GSG1L: variants seen among roughly 807,000 people sequenced by gnomAD.
The protein encoded by GSG1L is germ cell-specific gene 1-like protein.
GSG1L carries 24 observed loss-of-function variants against 42.1 expected under a neutral mutation model. That is an observed-to-expected ratio of 0.57 (90% CI 0.41 to 0.80). The LOEUF (loss-of-function observed/expected upper bound fraction) is 0.80. Ranked by LOEUF, GSG1L falls within the 30% of genes least tolerant of loss-of-function variation. The pLI is 0.00. For missense variants in GSG1L, 445 were observed against 472.2 expected, an observed-to-expected ratio of 0.94 and a Z score of 0.53; for synonymous variants, 215 against 203.5, an observed-to-expected ratio of 1.06 and a Z score of -0.48.
chr16:27,992,827 G>C (rs1292730579), intron 1 of GSG1L, among the ~76,000 whole-genome samples: 3 of 152,112 alleles, frequency 2.0e-5, no homozygotes, highest in Non-Finnish European at 4.4e-5. Context: ...GGAGGGCCTT[G>C]GGTGACTTGA....
chr16:27,918,225 T>C (rs1216252509), intron 2 of GSG1L, among the ~76,000 whole-genome samples: 1 of 152,244 alleles, frequency 6.6e-6, no homozygotes. Context: ...GGTCTCCTGC[T>C]TCAACCTCAG....
chr16:28,056,225 G>A (rs2086277929), intron 1 of GSG1L, among the ~76,000 whole-genome samples: 1 of 151,992 alleles, frequency 6.6e-6, no homozygotes, highest in African/African-American at 2.4e-5. Flanking sequence ...CAACTCAAAT[G>A]TCCAACAATG....
chr16:27,882,507 C>G (rs1356416094), intron 3 of GSG1L, among the ~76,000 whole-genome samples: 1 of 152,156 alleles, frequency 6.6e-6, no homozygotes, highest in East Asian at 1.9e-4. Flanking sequence ...CTCAACATTC[C>G]TCCTCTCCCT....
rs201582359 is a variant in GSG1L at position 27,828,823 on chromosome 16, T to C, written c.796A>G (p.Ile266Val). The part of the protein sequence containing the change: ...EQGYREEPTF[I>V]DPEAIKYFRE... ...AAGTACTTGATGGCCTCAGGGTCTA[T>C]GAAGGTCGGCTCTTCCCGGTAGCCC... The change falls in exon 5 of 7, where the codon ATA (isoleucine) becomes GTA (valine). Residue 266 changes from isoleucine to valine, a missense_variant. This residue lies in a region of GSG1L where 140 missense variants were observed against 120.6 expected (regional missense o/e 1.16). Transcript: ENST00000447459. 1.2e-6 allele frequency: 2 copies of C among 1,614,158 alleles called. No homozygotes were observed. The highest frequency in any genetic ancestry group is 1.7e-5 in the Admixed American group (1 of 60,014).
At chr16:27,916,756 G>A (rs1232012222) in intron 2 of GSG1L, among the ~76,000 whole-genome samples, 1 of 152,076 alleles carries the variant, frequency 6.6e-6, no homozygotes, top group Non-Finnish European at 1.5e-5. Context: ...TCCCTCATGG[G>A]GTTGTTAAAA....
intron 2 of GSG1L, among the ~76,000 whole-genome samples, chr16:27,889,241 C>T (rs367600730): frequency 8.5e-5 from 13 of 152,134 alleles, no homozygotes; most frequent in African/African-American, 1.9e-4. Context: ...CCTCCCGCCT[C>T]GGCCTCCCAA....
intron 1 of GSG1L, among the ~76,000 whole-genome samples, chr16:28,008,952 T>G (rs577810954): frequency 1.3e-5 from 2 of 151,912 alleles, no homozygotes; most frequent in South Asian, 2.1e-4. Flanking sequence ...GGGATTACAG[T>G]TACCCGCCAC....
chr16:27,893,209 C>T (rs2084149385), intron 2 of GSG1L, among the ~76,000 whole-genome samples: 1 of 152,194 alleles, frequency 6.6e-6, no homozygotes, highest in East Asian at 1.9e-4. Flanking sequence ...CTGTTAGCTG[C>T]ACTCTTTGCC....
intron 1 of GSG1L, among the ~76,000 whole-genome samples, chr16:28,054,819 T>A (rs2086261449): frequency 6.6e-6 from 1 of 151,760 alleles, no homozygotes; most frequent in South Asian, 2.1e-4. Flanking sequence ...GCAGATCAGA[T>A]GTCTTTAAAA....
chr16:27,881,622 T>A (rs1198064523), intron 3 of GSG1L, among the ~76,000 whole-genome samples: 3 of 152,188 alleles, frequency 2.0e-5, no homozygotes, highest in African/African-American at 7.2e-5. Flanking sequence ...TTACTATTGG[T>A]GACTATGTCA....
rs1192595715 is a variant in GSG1L, at chr16:27,996,356, T to A, written c.350-33153A>T. Among the ~76,000 whole-genome samples the A allele has an allele frequency of 2.0e-5, 3 of 152,236 alleles. No individual in the cohort carries two copies. The East Asian group carries it at 5.8e-4, about 29-fold the overall frequency. ...ACAATTCCATTTCTTGGAACTCATC[T>A]TACACGTGTGCAAAATTACACAAGG... On this transcript the variant is annotated intron_variant, in intron 1 of 6. Coordinates refer to ENST00000447459, the MANE Select transcript of GSG1L (RefSeq NM_001109763.2).
In GSG1L at chr16:27,984,561, T is replaced by C. The variant is rs149111820; in HGVS notation, c.350-21358A>G. Among the ~76,000 whole-genome samples the C allele has an allele frequency of 4.2e-3, 645 of 152,238 alleles. 2 individuals carry two copies. The highest frequency in any genetic ancestry group is 0.015 in the African/African-American group (615 of 41,536). On this transcript the variant is annotated intron_variant, in intron 1 of 6. Coordinates refer to ENST00000447459, the MANE Select transcript of GSG1L (RefSeq NM_001109763.2). ...AGGAATTATAATTAGAAAGAAGTTT[T>C]TTTTAGAGCTCTACAGTCAGAAGTC...
At chr16:28,004,735 G>GC (rs1300178359) in intron 1 of GSG1L, among the ~76,000 whole-genome samples, 2 of 151,978 alleles carry the variant, frequency 1.3e-5, no homozygotes, top group Admixed American at 6.6e-5. Flanking sequence ...CTATGATTGC[G>GC]CCCCTGCTCT....
intron 1 of GSG1L, among the ~76,000 whole-genome samples, chr16:28,010,232 T>C (rs538454419): frequency 9.8e-5 from 15 of 152,292 alleles, no homozygotes; most frequent in African/African-American, 3.6e-4. Flanking sequence ...TCAGACGCTC[T>C]TTGAGAGGGA....
At chr16:27,853,151 A>C (rs1268586606) in intron 3 of GSG1L, among the ~76,000 whole-genome samples, 5 of 152,200 alleles carry the variant, frequency 3.3e-5, no homozygotes, top group Non-Finnish European at 5.9e-5. Context: ...GGAAAAAATA[A>C]ATCTCTTATC....
chr16:27,822,815 G>A (rs1487451875), intron 5 of GSG1L, among the ~76,000 whole-genome samples: 3 of 152,182 alleles, frequency 2.0e-5, no homozygotes, highest in Non-Finnish European at 4.4e-5. Flanking sequence ...CCCTGCTCTC[G>A]TGGAGTGTGC....
rs138552732 is a variant in GSG1L, at chr16:27,820,225, C to T, written c.830+8564G>A. 2.6e-5 allele frequency among the ~76,000 whole-genome samples: 4 copies of T among 152,214 alleles called. 1 individual carries two copies. Among genetic ancestry groups the T allele is most frequent in the South Asian group, 4.2e-4 (2 of 4,818 alleles). ...CAACTGCATATGGCATCGGGTGGGG[C>T]GGAGCGGGTTCTTCTAATATGGGGG... On this transcript the variant is annotated intron_variant, in intron 5 of 6. Transcript: ENST00000447459.
intron 1 of GSG1L, among the ~76,000 whole-genome samples, chr16:28,025,393 C>T (rs1596710618): frequency 6.6e-6 from 1 of 152,344 alleles, no homozygotes; most frequent in East Asian, 1.9e-4. Context: ...ATAAGGGGGA[C>T]ATGCACCCCA....
At chr16:27,912,486 C>T (rs1404769193) in intron 2 of GSG1L, among the ~76,000 whole-genome samples, 1 of 152,172 alleles carries the variant, frequency 6.6e-6, no homozygotes, top group Non-Finnish European at 1.5e-5. Context: ...CACTGCACTC[C>T]AGCCTGAGCA....
Sources: gnomAD v4.1 joint callset for allele counts (sites outside exome capture counted in the v4.1 genomes callset) on GRCh38, gnomAD v4.1.1 for gene constraint, gnomAD v4.1.1 regional missense constraint, MANE v1.5 for transcripts, NCBI Gene and HGNC (gene_info 2026-07-23, HGNC 2026-07-21) for gene names.